DGKI: variants seen among roughly 807,000 people sequenced by gnomAD.
The protein encoded by DGKI is diacylglycerol kinase iota, also known as DAG kinase iota.
A neutral mutation model predicts 147.5 loss-of-function variants in DGKI; 55 were observed. The observed-to-expected ratio is 0.37, with a 90% confidence interval of 0.30 to 0.47. The LOEUF is 0.47. DGKI is among the 20% of genes least tolerant of loss of function. The probability of loss-of-function intolerance (pLI) is 1.00; values close to 1 mark genes in which losing one functional copy is unlikely to be tolerated. For synonymous variants in DGKI, 469 were observed against 477.1 expected (o/e 0.98, Z 0.22); for missense variants, 1,007 against 1,323.8 (o/e 0.76, Z 3.71).
chr7:137,567,472 T>C (rs1818628918), intron 19 of DGKI, among the ~76,000 whole-genome samples: 2 of 152,080 alleles, frequency 1.3e-5, no homozygotes, highest in Admixed American at 1.3e-4. Flanking sequence ...AGCTATCAAG[T>C]ACAGAAAAAA....
chr7:137,471,659 C>T (rs1314795047), intron 23 of DGKI, among the ~76,000 whole-genome samples: 1 of 151,736 alleles, frequency 6.6e-6, no homozygotes, highest in Non-Finnish European at 1.5e-5. Flanking sequence ...CTAAAGTTAC[C>T]GAACAAAAGG....
At chr7:137,622,061 TGTGTAA>T (rs370943436) in intron 7 of DGKI, among the ~76,000 whole-genome samples, 3,152 of 152,278 alleles carry the variant, frequency 0.021, 45 homozygotes, top group Non-Finnish European at 0.03. Context: ...AATGATTATT[TGTGTAA>T]CAACTAACTG....
intron 19 of DGKI, among the ~76,000 whole-genome samples, chr7:137,564,828 G>T (rs1227884814): frequency 6.6e-6 from 1 of 152,304 alleles, no homozygotes; most frequent in African/African-American, 2.4e-5. Flanking sequence ...GAGCACAAGG[G>T]CGGTCCCTCG....
chr7:137,807,349 G>T (rs931994566), intron 1 of DGKI, among the ~76,000 whole-genome samples: 1 of 152,166 alleles, frequency 6.6e-6, no homozygotes, highest in African/African-American at 2.4e-5. Context: ...AGTTCCAAAT[G>T]GATTTTATGT....
chr7:137,541,963 G>A (rs145697650), intron 20 of DGKI, among the ~76,000 whole-genome samples: 1 of 152,086 alleles, frequency 6.6e-6, no homozygotes, highest in Admixed American at 6.6e-5. Flanking sequence ...GAAAAGACAG[G>A]ATATATACTG....
intron 27 of DGKI, among the ~76,000 whole-genome samples, chr7:137,445,393 T>A (rs1022795615): frequency 6.6e-6 from 1 of 152,164 alleles, no homozygotes; most frequent in South Asian, 2.1e-4. Flanking sequence ...GAAAATTGGC[T>A]TCTGGGAGAT....
intron 27 of DGKI, among the ~76,000 whole-genome samples, chr7:137,462,637 G>C (rs766032978): frequency 1.4e-4 from 22 of 152,124 alleles, no homozygotes; most frequent in African/African-American, 5.3e-4. Flanking sequence ...AGAATCTTCA[G>C]TTATCTTGTT....
At chr7:137,467,039 A>C in intron 24 of DGKI, 97 bp from the exon 25 acceptor site, 2 of 1,153,154 alleles carry the variant, frequency 1.7e-6, no homozygotes, top group Admixed American at 1.8e-5. Context: ...AAACCCCTAC[A>C]TGGCAGTCAT....
chr7:137,806,940 G>A (rs565618421), intron 1 of DGKI, among the ~76,000 whole-genome samples: 1 of 152,284 alleles, frequency 6.6e-6, no homozygotes, highest in African/African-American at 2.4e-5. Context: ...CCAGGGAAAG[G>A]GCAAGAAACA....
At chr7:137,758,627 A>C (rs1006049734) in intron 1 of DGKI, among the ~76,000 whole-genome samples, 2 of 152,152 alleles carry the variant, frequency 1.3e-5, no homozygotes, top group African/African-American at 4.8e-5. Flanking sequence ...CAGAGGTTGC[A>C]GTGAGCCAAG....
intron 1 of DGKI, among the ~76,000 whole-genome samples, chr7:137,791,515 A>G (rs1468349886): frequency 6.6e-6 from 1 of 152,238 alleles, no homozygotes; most frequent in Non-Finnish European, 1.5e-5. Flanking sequence ...GCTGGACCTC[A>G]GGTTTCTACA....
chr7:137,629,605 C>A (rs1384037334), intron 6 of DGKI, among the ~76,000 whole-genome samples: 1 of 152,200 alleles, frequency 6.6e-6, no homozygotes, highest in Non-Finnish European at 1.5e-5. Context: ...AAACTTTTTT[C>A]AGTGATAAAA....
intron 3 of DGKI, among the ~76,000 whole-genome samples, chr7:137,659,912 G>T (rs575694929): frequency 1.3e-5 from 2 of 152,138 alleles, no homozygotes; most frequent in Non-Finnish European, 2.9e-5. Flanking sequence ...CAGCCTGGGC[G>T]ACAGAGCGAG....
intron 21 of DGKI, among the ~76,000 whole-genome samples, chr7:137,490,812 CTTTG>C (rs2128937779): frequency 6.6e-6 from 1 of 152,272 alleles, no homozygotes; most frequent in Admixed American, 6.5e-5. Flanking sequence ...GTAGCAGAGA[CTTTG>C]TTTAAGTCCA....
intron 18 of DGKI, among the ~76,000 whole-genome samples, 199 bp downstream of exon 18, chr7:137,572,566 A>G (rs140980422): frequency 3.9e-4 from 60 of 152,332 alleles, no homozygotes; most frequent in Non-Finnish European, 2.5e-4. Flanking sequence ...TGCATGCCAC[A>G]TGACGCACAA....
chr7:137,575,189 C>G (rs1406141399), intron 17 of DGKI, among the ~76,000 whole-genome samples: 1 of 152,214 alleles, frequency 6.6e-6, no homozygotes, highest in Non-Finnish European at 1.5e-5. Flanking sequence ...GTAGACCTAA[C>G]TAAATCCCAA....
chr7:137,611,994 G>T (rs1219085887), intron 8 of DGKI, among the ~76,000 whole-genome samples: 1 of 152,154 alleles, frequency 6.6e-6, no homozygotes, highest in Non-Finnish European at 1.5e-5. Context: ...CTAGGTCCTT[G>T]ACAGGATGTC....
At chr7:137,554,062 T>C (rs1409422823) in intron 19 of DGKI, among the ~76,000 whole-genome samples, 1 of 152,148 alleles carries the variant, frequency 6.6e-6, no homozygotes. Context: ...CAGCAAATAT[T>C]ACAAGCAGGT....
Position 137,385,856 on chromosome 7 carries a change from G to T in DGKI, c.*5364C>A, listed in dbSNP as rs578013128. ...TCCAGCCCATGCTGGACACCCTGGG[G>T]TTCTCCTGCACTGCACTTATCACAT... On this transcript the variant is annotated 3_prime_UTR_variant, in exon 33 of 33. Transcript: ENST00000614521. 1 of 152,094 alleles carries T rather than the reference G, an allele frequency of 6.6e-6. No homozygotes were observed. Among genetic ancestry groups the T allele is most frequent in the Non-Finnish European group, 1.5e-5 (1 of 67,994 alleles). The allele number at this position is 152,094 out of a possible 1,614,324, so 9.4% of individuals were successfully genotyped here.
Sources: gnomAD v4.1 joint callset for allele counts (sites outside exome capture counted in the v4.1 genomes callset) on GRCh38, gnomAD v4.1.1 for gene constraint, MANE v1.5 for transcripts, NCBI Gene and HGNC (gene_info 2026-07-23, HGNC 2026-07-21) for gene names.